The following RNGTT variants were observed in gnomAD, a reference collection of about 807,000 sequenced individuals.
RNGTT encodes the protein RNA guanylyltransferase and 5'-phosphatase.
In RNGTT, 33 loss-of-function variants were observed where a neutral mutation model predicts 79.3. That is an observed-to-expected ratio of 0.42 (90% CI 0.32 to 0.56). The LOEUF is 0.56. Among genes scored for constraint, RNGTT ranks in the 20% least tolerant of loss-of-function variants. The pLI is 0.17. For synonymous variants in RNGTT, 222 were observed against 235.9 expected, an observed-to-expected ratio of 0.94 and a Z score of 0.54; for missense variants, 497 against 739.1, an observed-to-expected ratio of 0.67 and a Z score of 3.80.
chr6:88,870,907 T>C (rs1038846699), intron 8 of RNGTT, among the ~76,000 whole-genome samples: 85 of 152,344 alleles, frequency 5.6e-4, no homozygotes, highest in Non-Finnish European at 6.6e-4. Context: ...GAATTAAACC[T>C]GGTCCTCTGC....
chr6:88,716,114 T>C (rs1482383853), intron 13 of RNGTT, among the ~76,000 whole-genome samples: 1 of 151,356 alleles, frequency 6.6e-6, no homozygotes, highest in Non-Finnish European at 1.5e-5. Flanking sequence ...TCAAACAAAT[T>C]TACAAGAAAA....
chr6:88,872,304 C>T (rs1458150545), intron 8 of RNGTT, among the ~76,000 whole-genome samples: 3 of 152,096 alleles, frequency 2.0e-5, no homozygotes, highest in Admixed American at 6.6e-5. Flanking sequence ...GGAACTGAGG[C>T]CTGCCATCAA....
chr6:88,795,818 A>G (rs997811215), intron 12 of RNGTT, among the ~76,000 whole-genome samples: 4 of 152,192 alleles, frequency 2.6e-5, no homozygotes, highest in Non-Finnish European at 4.4e-5. Context: ...ATGCACTATG[A>G]TTTGGAAGGG....
intron 8 of RNGTT, among the ~76,000 whole-genome samples, chr6:88,880,469 G>T (rs1235799892): frequency 6.6e-6 from 1 of 152,016 alleles, no homozygotes; most frequent in Non-Finnish European, 1.5e-5. Flanking sequence ...TTGAAGCAGG[G>T]TATGCTTGTA....
chr6:88,687,356 C>A (rs1449645624), intron 13 of RNGTT, among the ~76,000 whole-genome samples: 1 of 152,104 alleles, frequency 6.6e-6, no homozygotes, highest in Non-Finnish European at 1.5e-5. Context: ...CTAGTATAAC[C>A]CGTCTGGAGG....
At chr6:88,727,002 T>A (rs1320713688) in intron 13 of RNGTT, among the ~76,000 whole-genome samples, 1 of 143,096 alleles carries the variant, frequency 7.0e-6, no homozygotes, top group Non-Finnish European at 1.5e-5. Flanking sequence ...AAAAAAGGGG[T>A]GGGGGGGGAG....
chr6:88,850,131 G>A (rs1164979719), intron 9 of RNGTT, among the ~76,000 whole-genome samples: 3 of 151,938 alleles, frequency 2.0e-5, no homozygotes, highest in Non-Finnish European at 4.4e-5. Flanking sequence ...AGGGTAGGAA[G>A]ACTACAAATT....
chr6:88,831,242 C>T (rs1347173976), intron 11 of RNGTT, among the ~76,000 whole-genome samples: 1 of 152,166 alleles, frequency 6.6e-6, no homozygotes, highest in Non-Finnish European at 1.5e-5. Flanking sequence ...TTATCCACCA[C>T]GATCAAGTCG....
At chr6:88,869,970 C>A (rs569303206) in intron 8 of RNGTT, among the ~76,000 whole-genome samples, 5 of 151,996 alleles carry the variant, frequency 3.3e-5, no homozygotes, top group Admixed American at 3.3e-4. Flanking sequence ...CATAGGGAGA[C>A]AAAATTTAGT....
At chr6:88,634,123 A>G (rs879607071) in intron 14 of RNGTT, among the ~76,000 whole-genome samples, 6 of 152,168 alleles carry the variant, frequency 3.9e-5, no homozygotes, top group Non-Finnish European at 8.8e-5. Context: ...GATAATATAT[A>G]CTTTAAACAT....
chr6:88,716,779 GAC>G (rs1413500385), intron 13 of RNGTT, among the ~76,000 whole-genome samples: 4 of 152,150 alleles, frequency 2.6e-5, no homozygotes, highest in African/African-American at 4.8e-5. Flanking sequence ...AGAACACATG[GAC>G]ACAGGAAGGG....
intron 12 of RNGTT, among the ~76,000 whole-genome samples, chr6:88,797,371 A>G (rs907100985): frequency 2.0e-5 from 3 of 152,176 alleles, no homozygotes; most frequent in African/African-American, 7.2e-5. Flanking sequence ...TAGGTTTTCA[A>G]GATCACTCAA....
At chr6:88,757,862 C>A (rs1032536422) in intron 13 of RNGTT, among the ~76,000 whole-genome samples, 23 of 152,162 alleles carry the variant, frequency 1.5e-4, no homozygotes, top group African/African-American at 5.5e-4. Flanking sequence ...ATTCTAAACT[C>A]TTTGAAATTT....
chr6:88,962,844 T>A (rs1785683668), intron 1 of RNGTT, among the ~76,000 whole-genome samples: 1 of 151,868 alleles, frequency 6.6e-6, no homozygotes, highest in South Asian at 2.1e-4. Flanking sequence ...GGTGGGAGGA[T>A]CCCCAGCCCG....
At chr6:88,708,455 C>A (rs1776213755) in intron 13 of RNGTT, among the ~76,000 whole-genome samples, 1 of 151,996 alleles carries the variant, frequency 6.6e-6, no homozygotes, top group African/African-American at 2.4e-5. Context: ...GATACTTTCC[C>A]ACACCTTCTG....
intron 11 of RNGTT, among the ~76,000 whole-genome samples, chr6:88,803,866 T>G (rs1779872874): frequency 6.6e-6 from 1 of 152,172 alleles, no homozygotes; most frequent in Admixed American, 6.5e-5. Flanking sequence ...CATAACATGA[T>G]TCTACCTGCT....
At chr6:88,665,055 T>C (rs1375048376) in intron 14 of RNGTT, among the ~76,000 whole-genome samples, 1 of 152,174 alleles carries the variant, frequency 6.6e-6, no homozygotes, top group Non-Finnish European at 1.5e-5. Context: ...GGAAGGGACC[T>C]GCTTAGCAAG....
intron 6 of RNGTT, among the ~76,000 whole-genome samples, chr6:88,894,856 CCA>C (rs1322782208): frequency 6.6e-6 from 1 of 151,396 alleles, no homozygotes; most frequent in African/African-American, 2.4e-5. Context: ...TGCTTGAGCC[CCA>C]GAGTTCAAGA....
chr6:88,843,733 AT>A (rs1442331243), intron 11 of RNGTT, among the ~76,000 whole-genome samples: 1 of 150,750 alleles, frequency 6.6e-6, no homozygotes, highest in Non-Finnish European at 1.5e-5. Context: ...TAATTTTTGT[AT>A]TTTTAGTAGA....
Sources: gnomAD v4.1 joint callset for allele counts (sites outside exome capture counted in the v4.1 genomes callset) on GRCh38, gnomAD v4.1.1 for gene constraint, MANE v1.5 for transcripts, NCBI Gene and HGNC (gene_info 2026-07-23, HGNC 2026-07-21) for gene names.